Variants in CDS2 observed in about 807,000 individuals in gnomAD.
CDS2 encodes phosphatidate cytidylyltransferase 2.
Under a neutral mutation model 59.0 loss-of-function variants are expected in CDS2, and 47 were observed. The ratio of observed to expected loss-of-function variants is 0.80; its 90% CI spans 0.63 to 1.02. The LOEUF (loss-of-function observed/expected upper bound fraction) is 1.02, where lower values mean the gene tolerates loss of function less well. Ranked by LOEUF, CDS2 falls within the 50% of genes least tolerant of loss-of-function variation. The probability of loss-of-function intolerance (pLI) is 0.00; values close to 1 mark genes in which losing one functional copy is unlikely to be tolerated. For synonymous variants in CDS2, 207 were observed against 206.4 expected, an observed-to-expected ratio of 1.00 and a Z score of -0.02; for missense variants, 356 against 558.9, an observed-to-expected ratio of 0.64 and a Z score of 3.66.
intron 1 of CDS2, among the ~76,000 whole-genome samples, chr20:5,130,401 A>G (rs993470036): frequency 3.3e-5 from 5 of 152,264 alleles, no homozygotes; most frequent in African/African-American, 1.2e-4. Context: ...AATAAATTTT[A>G]AGGAAATGCA....
intron 1 of CDS2, among the ~76,000 whole-genome samples, chr20:5,172,892 C>T (rs901243250): frequency 6.6e-6 from 1 of 152,150 alleles, no homozygotes; most frequent in African/African-American, 2.4e-5. Flanking sequence ...CTCACCCAGG[C>T]TGGGAGCAGG....
At chr20:5,169,702 A>G (rs532649720) in intron 1 of CDS2, among the ~76,000 whole-genome samples, 1 of 152,376 alleles carries the variant, frequency 6.6e-6, no homozygotes, top group East Asian at 1.9e-4. Context: ...TGAGGTAAGT[A>G]GAGATGAGTT....
intron 6 of CDS2, among the ~76,000 whole-genome samples, chr20:5,182,692 A>G (rs1019069169): frequency 6.6e-6 from 1 of 152,220 alleles, no homozygotes; most frequent in Non-Finnish European, 1.5e-5. Context: ...GGCTCCAGAG[A>G]AGGCACAAGC....
chr20:5,186,991 G>T, intron 10 of CDS2, 152 bp downstream of exon 10: 1 of 779,620 alleles, frequency 1.3e-6, no homozygotes, highest in East Asian at 2.7e-5. Context: ...CGCCAGGTCA[G>T]GGTATGGGCA....
intron 10 of CDS2, chr20:5,187,222 G>T (rs1432084142): frequency 4.5e-6 from 1 of 220,090 alleles, no homozygotes; most frequent in African/African-American, 2.2e-5. Context: ...TTAAAACTGC[G>T]TTAAGGCAGT....
chr20:5,133,811 C>T (rs1600465083), intron 1 of CDS2, among the ~76,000 whole-genome samples: 1 of 152,178 alleles, frequency 6.6e-6, no homozygotes, highest in African/African-American at 2.4e-5. Context: ...AGGCGTGAGC[C>T]ACCGCGCCTG....
rs939580161 is a variant in CDS2, at chr20:5,127,025, C to G, written c.-68C>G. On this transcript the variant is annotated 5_prime_UTR_variant, in exon 1 of 13. Transcript: ENST00000460006. ...CCGGCCGTGGGAGTCCGCGCGTGCC[C>G]GCGCCGAGCTGCCTGCTCCGGCGGC... 7.3e-5 allele frequency: 104 copies of G among 1,424,144 alleles called. No homozygotes were observed. In the African/African-American group the frequency reaches 1.3e-3, roughly 18 times the overall value. The allele number at this position is 1,424,144 out of a possible 1,614,324, so 88.2% of individuals were successfully genotyped here. A position where few individuals can be genotyped will look rare whatever the true frequency, so the allele number is the denominator to read the frequency against.
intron 1 of CDS2, among the ~76,000 whole-genome samples, chr20:5,129,520 G>A (rs987962788): frequency 1.3e-5 from 2 of 150,778 alleles, no homozygotes; most frequent in Admixed American, 6.7e-5. Context: ...TTGGCTCATC[G>A]CAACCTCTAC....
At chr20:5,159,845 C>T (rs963771653) in intron 1 of CDS2, among the ~76,000 whole-genome samples, 16 of 151,956 alleles carry the variant, frequency 1.1e-4, no homozygotes, top group Admixed American at 5.2e-4. Flanking sequence ...CCTGTTTTTA[C>T]TTAAAAAAAA....
Position 5,136,655 on chromosome 20 carries a change from T to G in CDS2, c.57+9506T>G, listed in dbSNP as rs552810520. Among the ~76,000 whole-genome samples, 22 of 152,298 alleles carry G rather than the reference T, an allele frequency of 1.4e-4. 1 individual carries two copies. Among genetic ancestry groups the G allele is most frequent in the African/African-American group, 5.3e-4 (22 of 41,566 alleles). On this transcript the variant is annotated intron_variant, in intron 1 of 12. Coordinates refer to ENST00000460006, the MANE Select transcript of CDS2 (RefSeq NM_003818.4). ...GCTCTAGGTCCCTCCTAATCCATCTTGTTCTTTGTATCTTTCAGGAGTTCT... is the reference window on the plus strand; with the variant it reads ...GCTCTAGGTCCCTCCTAATCCATCTGGTTCTTTGTATCTTTCAGGAGTTCT...
rs867673686 is a variant in CDS2 at position 5,133,010 on chromosome 20, C to A, written c.57+5861C>A. On this transcript the variant is annotated intron_variant, in intron 1 of 12. Transcript: ENST00000460006. The stretch of plus-strand genomic sequence containing the variant: ...AGACGGCAAAACCCCTTCTCTACTA[C>A]AAAAAAAAAAAAAAATTAGCTGGGT... Among the ~76,000 whole-genome samples, 239 of 135,978 alleles carry A rather than the reference C, an allele frequency of 1.8e-3. 1 individual carries two copies. The highest frequency in any genetic ancestry group is 5.5e-3 in the African/African-American group (207 of 37,418). The allele number at this position is 135,978 out of a possible 152,430, so 89.2% of individuals were successfully genotyped here.
rs145832075 is a variant in CDS2 at position 5,171,696 on chromosome 20, A to G, written c.58-1827A>G. Among the ~76,000 whole-genome samples, 613 of 152,318 alleles carry G rather than the reference A, an allele frequency of 4.0e-3. 9 individuals are homozygous for G. Among genetic ancestry groups the G allele is most frequent in the African/African-American group, 0.014 (577 of 41,572 alleles). On this transcript the variant is annotated intron_variant, in intron 1 of 12. Coordinates refer to ENST00000460006, the MANE Select transcript of CDS2 (RefSeq NM_003818.4). ...ACTCTGGAGTGGTGTACTGGGACAC[A>G]GCCCTGGGTGAGAGTTTGGTTATGT...
chr20:5,175,377 C>T (rs572184428), intron 3 of CDS2, 98 bp downstream of exon 3: 152 of 935,722 alleles, frequency 1.6e-4, no homozygotes, highest in South Asian at 1.3e-3. Flanking sequence ...TGGGAATTGA[C>T]GGGGGTCCAG....
At chr20:5,143,229 G>A (rs937355449) in intron 1 of CDS2, among the ~76,000 whole-genome samples, 7 of 152,010 alleles carry the variant, frequency 4.6e-5, no homozygotes, top group African/African-American at 1.4e-4. Context: ...TAAAACCCTC[G>A]ATAAGATACA....
Position 5,195,034 on chromosome 20 carries a change from C to T in CDS2, c.*4800C>T, listed in dbSNP as rs1232931333. The stretch of plus-strand genomic sequence containing the variant: ...CAGTGGTTAAGACAGACTTTGGGAT[C>T]AAATCACCCTAGGTGCGGGCAGGTT... On this transcript the variant is annotated 3_prime_UTR_variant, in exon 13 of 13. Coordinates refer to ENST00000460006, the MANE Select transcript of CDS2 (RefSeq NM_003818.4). The T allele has an allele frequency of 6.6e-6, 1 of 152,132 alleles. No homozygotes were observed. Among genetic ancestry groups the T allele is most frequent in the African/African-American group, 2.4e-5 (1 of 41,412 alleles). 9.4% of individuals were successfully genotyped at this position (152,132 alleles called of 1,614,324 possible). A position where few individuals can be genotyped will look rare whatever the true frequency, so the allele number is the denominator to read the frequency against.
At chr20:5,157,058 A>G (rs998992221) in intron 1 of CDS2, among the ~76,000 whole-genome samples, 1 of 152,310 alleles carries the variant, frequency 6.6e-6, no homozygotes, top group East Asian at 1.9e-4. Context: ...GAGTGGAACA[A>G]AGCTAGGTAG....
At chr20:5,145,822 G>GTTT (rs11470811) in intron 1 of CDS2, among the ~76,000 whole-genome samples, 5 of 129,250 alleles carry the variant, frequency 3.9e-5, no homozygotes, top group South Asian at 2.5e-4. Flanking sequence ...TGCTTTTTGT[G>GTTT]TTTTTTTTTT....
At chr20:5,147,890 G>T (rs1198048986) in intron 1 of CDS2, among the ~76,000 whole-genome samples, 3 of 152,058 alleles carry the variant, frequency 2.0e-5, no homozygotes, top group Non-Finnish European at 2.9e-5. Context: ...TTTCAGCTCT[G>T]TGTCCCTCAT....
At chr20:5,128,686 A>G (rs369300397) in intron 1 of CDS2, 23 of 152,336 alleles carry the variant, frequency 1.5e-4, no homozygotes, top group East Asian at 1.2e-3. Context: ...TGAAGTCTCT[A>G]ATTTTTCATT....
Sources: allele counts gnomAD v4.1 joint callset (sites outside exome capture counted in the v4.1 genomes callset), GRCh38; gene constraint gnomAD v4.1.1; transcripts MANE v1.5; gene names NCBI Gene and HGNC (gene_info 2026-07-23, HGNC 2026-07-21).